Variants in INPP4B observed in about 807,000 individuals in gnomAD.
The protein encoded by INPP4B is inositol polyphosphate 4-phosphatase type II.
In INPP4B, 55 loss-of-function variants were observed where a neutral mutation model predicts 122.5. The observed-to-expected ratio is 0.45, with a 90% confidence interval of 0.36 to 0.56. The LOEUF (loss-of-function observed/expected upper bound fraction) is 0.56, where lower values mean the gene tolerates loss of function less well. Among genes scored for constraint, INPP4B ranks in the 20% least tolerant of loss-of-function variants. INPP4B has a pLI of 0.00. For synonymous variants in INPP4B, 403 were observed against 388.7 expected, an observed-to-expected ratio of 1.04 and a Z score of -0.43; for missense variants, 1,000 against 1,097.7, an observed-to-expected ratio of 0.91 and a Z score of 1.26.
intron 7 of INPP4B, among the ~76,000 whole-genome samples, chr4:142,340,500 G>A (rs891609285): frequency 6.6e-6 from 1 of 151,792 alleles, no homozygotes; most frequent in African/African-American, 2.4e-5. Context: ...CTCCAACTCC[G>A]GGGCTCAAGG....
chr4:142,746,823 A>G (rs1403837495), intron 1 of INPP4B, among the ~76,000 whole-genome samples: 2 of 152,218 alleles, frequency 1.3e-5, no homozygotes, highest in South Asian at 2.1e-4. Flanking sequence ...AGCCATATGC[A>G]GAAAGCTGAA....
chr4:142,471,291 C>CA (rs1818780838), intron 2 of INPP4B, among the ~76,000 whole-genome samples: 1 of 151,362 alleles, frequency 6.6e-6, no homozygotes, highest in African/African-American at 2.4e-5. Context: ...ACAGCTATAG[C>CA]TTTTTTTTTA....
At position 142,026,807 on chromosome 4, in the gene INPP4B, T is replaced by C. The variant is rs1188633003; in HGVS notation, c.*1975A>G. ...CTGCTGGCTTTCCAGTTAATATTTT[T>C]CCATATTTAAGTAGTTTGTTTTCAA... On this transcript the variant is annotated 3_prime_UTR_variant, in exon 26 of 26. Transcript: ENST00000262992. 3 of 152,198 alleles carry C rather than the reference T, an allele frequency of 2.0e-5. No homozygotes were observed. The highest frequency in any genetic ancestry group is 2.9e-5 in the Non-Finnish European group (2 of 68,028). 9.4% of individuals were successfully genotyped at this position (152,198 alleles called of 1,614,324 possible).
At chr4:142,627,199 C>A (rs897790015) in intron 2 of INPP4B, among the ~76,000 whole-genome samples, 6 of 152,120 alleles carry the variant, frequency 3.9e-5, no homozygotes, top group Admixed American at 2.6e-4. Context: ...CGTCTACAAA[C>A]AGGGACAATT....
rs1560782678 is a variant in INPP4B at position 142,545,814 on chromosome 4, C to CACATATAT, written c.-190-83089_-190-83088insATATATGT. 6.0e-3 allele frequency among the ~76,000 whole-genome samples: 698 copies of CACATATAT among 116,842 alleles called. 85 individuals carry two copies. The highest frequency in any genetic ancestry group is 0.024 in the African/African-American group (672 of 28,432). The allele number at this position is 116,842 out of a possible 152,430, so 76.7% of individuals were successfully genotyped here. A position where few individuals can be genotyped will look rare whatever the true frequency, so the allele number is the denominator to read the frequency against. On this transcript the variant is annotated intron_variant, in intron 2 of 25. Transcript: ENST00000262992. Reference sequence around the variant, plus strand: ...ATGTGTGTATATATATACACATATACATGTGTGTATATATATATATATAAA... The same window carrying CACATATAT: ...ATGTGTGTATATATATACACATATACACATATATATGTGTGTATATATATATATATAAA...
intron 1 of INPP4B, among the ~76,000 whole-genome samples, chr4:142,813,851 C>A (rs905785336): frequency 6.6e-6 from 1 of 151,986 alleles, no homozygotes; most frequent in African/African-American, 2.4e-5. Context: ...TATTCTTAAC[C>A]GAAATTTGAG....
At chr4:142,492,957 C>T (rs1295427770) in intron 2 of INPP4B, among the ~76,000 whole-genome samples, 3 of 152,222 alleles carry the variant, frequency 2.0e-5, no homozygotes, top group Admixed American at 2.0e-4. Flanking sequence ...GTTTCTTGGG[C>T]TAGTCCCAGG....
intron 2 of INPP4B, among the ~76,000 whole-genome samples, chr4:142,577,060 TA>T (rs759563197): frequency 6.6e-6 from 1 of 152,130 alleles, no homozygotes; most frequent in East Asian, 1.9e-4. Flanking sequence ...AAATTTCATA[TA>T]GTCACTGATT....
chr4:142,028,916 T>C lies in INPP4B; in HGVS notation c.2643-2A>G. 1 of 1,607,726 alleles carries C rather than the reference T, an allele frequency of 6.2e-7. No homozygotes were observed. Among genetic ancestry groups the C allele is most frequent in the Non-Finnish European group, 8.5e-7 (1 of 1,177,834 alleles). On this transcript the variant is annotated splice_acceptor_variant, in intron 25 of 25. Coordinates refer to ENST00000262992, the MANE Select transcript of INPP4B (RefSeq NM_001101669.3). LOFTEE classifies it high-confidence loss of function. ...ACATTCTCTATGCGGCATCCTTCTC[T>C]GGTGAAAGGGGAAAAAGTACAACTT...
At chr4:142,762,658 T>G (rs1681058111) in intron 1 of INPP4B, among the ~76,000 whole-genome samples, 1 of 152,202 alleles carries the variant, frequency 6.6e-6, no homozygotes, top group African/African-American at 2.4e-5. Flanking sequence ...GTACGTTATC[T>G]TCCATCATCA....
In INPP4B at chr4:142,096,047, C is replaced by T. The variant is rs1369760307; in HGVS notation, c.2375-9791G>A. On this transcript the variant is annotated intron_variant, in intron 23 of 25. Coordinates refer to ENST00000262992, the MANE Select transcript of INPP4B (RefSeq NM_001101669.3). ...AAAGTAATTATTCTCATTTGGCTGA[C>T]AATGAAATGCAGGCATTGAAAACAC... 4 of 152,244 alleles carry T rather than the reference C, an allele frequency of 2.6e-5. No homozygotes were observed. In the East Asian group the frequency reaches 5.8e-4, roughly 22 times the overall value. 9.4% of individuals were successfully genotyped at this position (152,244 alleles called of 1,614,324 possible).
chr4:142,443,906 A>G (rs1211775038), intron 3 of INPP4B, among the ~76,000 whole-genome samples: 1 of 152,158 alleles, frequency 6.6e-6, no homozygotes, highest in Non-Finnish European at 1.5e-5. Flanking sequence ...AGGATGAAAA[A>G]GTGTCAAAAG....
At chr4:142,100,380 C>T (rs1426020635) in intron 23 of INPP4B, among the ~76,000 whole-genome samples, 1 of 152,094 alleles carries the variant, frequency 6.6e-6, no homozygotes, top group African/African-American at 2.4e-5. Flanking sequence ...CTAGACAGTC[C>T]TCAACAACAC....
intron 2 of INPP4B, among the ~76,000 whole-genome samples, chr4:142,571,107 A>T (rs1732715137): frequency 6.6e-6 from 1 of 151,106 alleles, no homozygotes; most frequent in South Asian, 2.1e-4. Flanking sequence ...AAAAAAAAAA[A>T]AAGAGCATGG....
chr4:142,350,324 T>C (rs1781564423), intron 7 of INPP4B, among the ~76,000 whole-genome samples: 1 of 152,010 alleles, frequency 6.6e-6, no homozygotes, highest in Admixed American at 6.6e-5. Context: ...AGTTGTCACT[T>C]CTATATGATA....
Position 142,184,568 on chromosome 4 carries a change from A to T in INPP4B, c.1181+8519T>A, listed in dbSNP as rs141853168. ...GGCAACACTTTGATGTTACTCATTC[A>T]TTCCCCCATATATATATCCATTCAT... On this transcript the variant is annotated intron_variant, in intron 15 of 25. Transcript: ENST00000262992. Among the ~76,000 whole-genome samples, 48 of 152,194 alleles carry T rather than the reference A, an allele frequency of 3.2e-4. No homozygotes were observed. In the East Asian group the frequency reaches 5.4e-3, roughly 17 times the overall value.
intron 3 of INPP4B, among the ~76,000 whole-genome samples, chr4:142,446,772 C>T (rs1019791815): frequency 2.6e-5 from 4 of 152,014 alleles, no homozygotes; most frequent in Admixed American, 6.6e-5. Context: ...GAGAGAGAGA[C>T]GATGGCACTT....
chr4:142,265,204 G>A (rs908843442), intron 10 of INPP4B, among the ~76,000 whole-genome samples: 1 of 152,150 alleles, frequency 6.6e-6, no homozygotes, highest in African/African-American at 2.4e-5. Flanking sequence ...ATTTTGTCAT[G>A]ACAGCCCAAG....
intron 2 of INPP4B, among the ~76,000 whole-genome samples, chr4:142,498,066 A>G (rs1822835588): frequency 6.6e-6 from 1 of 151,544 alleles, no homozygotes; most frequent in Non-Finnish European, 1.5e-5. Context: ...TTATAGCACA[A>G]CTACCTTATT....
Sources: gnomAD v4.1 joint callset for allele counts (sites outside exome capture counted in the v4.1 genomes callset) on GRCh38, gnomAD v4.1.1 for gene constraint, MANE v1.5 for transcripts, NCBI Gene and HGNC (gene_info 2026-07-23, HGNC 2026-07-21) for gene names.